PTPRU: variants seen among roughly 807,000 people sequenced by gnomAD.
PTPRU encodes the protein protein tyrosine phosphatase receptor type U, also known as receptor-type tyrosine-protein phosphatase U.
A neutral mutation model predicts 166.3 loss-of-function variants in PTPRU; 69 were observed. The ratio of observed to expected loss-of-function variants is 0.41; its 90% CI spans 0.34 to 0.51. PTPRU has a LOEUF of 0.51. PTPRU is among the 20% of genes least tolerant of loss of function. PTPRU has a pLI of 0.09. For synonymous variants in PTPRU, 793 were observed against 814.0 expected, an observed-to-expected ratio of 0.97 and a Z score of 0.44; for missense variants, 1,657 against 2,013.7, an observed-to-expected ratio of 0.82 and a Z score of 3.39.
chr1:29,262,332 CA>C (rs1685104855), intron 7 of PTPRU, among the ~76,000 whole-genome samples: 2 of 152,178 alleles, frequency 1.3e-5, no homozygotes, highest in Admixed American at 6.5e-5. Flanking sequence ...ACATCTCATA[CA>C]ATTCAATCCT....
chr1:29,323,169 C>T (rs1001086463), intron 26 of PTPRU: 10 of 620,874 alleles, frequency 1.6e-5, no homozygotes, highest in Middle Eastern at 4.4e-4. Flanking sequence ...CAGTGCAGAA[C>T]GCATTGGGGC....
chr1:29,251,104 C>T (rs536406446), intron 1 of PTPRU, among the ~76,000 whole-genome samples: 1 of 152,146 alleles, frequency 6.6e-6, no homozygotes, highest in Non-Finnish European at 1.5e-5. Context: ...AATACAAAAA[C>T]AAGCTGGGTA....
Position 29,236,733 on chromosome 1 carries a change from C to A in PTPRU, c.73+16C>A. ...ACTCCGGCAGGTAAGCGCGCGGCGG[C>A]CGGACCGAGCCTGCCCCGCCGAGCC... On this transcript the variant is annotated intron_variant, in intron 1 of 29. Transcript: ENST00000373779. The surrounding 1 kb of genome is among the most constrained non-coding windows in gnomAD (Gnocchi z 4.6). 1 of 1,413,462 alleles carries A rather than the reference C, an allele frequency of 7.1e-7. No homozygotes were observed. Among genetic ancestry groups the A allele is most frequent in the Non-Finnish European group, 9.2e-7 (1 of 1,087,004 alleles). 87.6% of individuals were successfully genotyped at this position (1,413,462 alleles called of 1,614,324 possible). A position where few individuals can be genotyped will look rare whatever the true frequency, so the allele number is the denominator to read the frequency against.
intron 1 of PTPRU, among the ~76,000 whole-genome samples, chr1:29,248,164 G>T (rs549782959): frequency 1.3e-5 from 2 of 152,254 alleles, no homozygotes; most frequent in African/African-American, 4.8e-5. Context: ...GGGATCATGG[G>T]GTCAATAAGT....
rs1042811529 is a variant in PTPRU at position 29,326,640 on chromosome 1, G to C, written c.*979G>C. The C allele has an allele frequency of 4.6e-5, 7 of 152,210 alleles. No homozygotes were observed. Among genetic ancestry groups the C allele is most frequent in the African/African-American group, 1.7e-4 (7 of 41,400 alleles). 9.4% of individuals were successfully genotyped at this position (152,210 alleles called of 1,614,324 possible). A position where few individuals can be genotyped will look rare whatever the true frequency, so the allele number is the denominator to read the frequency against. ...TATTTTTGGTTGGGTGGGTGGGAAGGTCTCTTTAAAATGGGGCAGGCCACA... is the reference window on the plus strand; with the variant it reads ...TATTTTTGGTTGGGTGGGTGGGAAGCTCTCTTTAAAATGGGGCAGGCCACA... On this transcript the variant is annotated 3_prime_UTR_variant, in exon 30 of 30. Transcript: ENST00000373779.
intron 1 of PTPRU, among the ~76,000 whole-genome samples, chr1:29,239,286 T>C (rs1372989060): frequency 6.6e-6 from 1 of 152,240 alleles, no homozygotes; most frequent in Admixed American, 6.5e-5. Flanking sequence ...CGGTGTGTGA[T>C]GCCTTCTCAG....
rs1192698409 is a variant in PTPRU at position 29,280,390 on chromosome 1, G to A, written c.1868+249G>A. On this transcript the variant is annotated intron_variant, in intron 11 of 29. Transcript: ENST00000373779. The surrounding 1 kb of genome is among the most constrained non-coding windows in gnomAD (Gnocchi z 4.2). ...ACCCTGGATAGGTCCAGCCTGGAGA[G>A]GGGACTGTCCAGGCCTGTCCAGGGG... 2.0e-5 allele frequency among the ~76,000 whole-genome samples: 3 copies of A among 152,222 alleles called. No homozygotes were observed. Among genetic ancestry groups the A allele is most frequent in the Non-Finnish European group, 4.4e-5 (3 of 68,024 alleles).
chr1:29,253,787 A>C (rs983460469), intron 1 of PTPRU, among the ~76,000 whole-genome samples: 6 of 151,946 alleles, frequency 3.9e-5, no homozygotes, highest in African/African-American at 1.5e-4. Flanking sequence ...CATCTGACCC[A>C]CATGGATTCA....
rs1304229094 is a variant in PTPRU, at chr1:29,315,362, C to G, written c.3228-10C>G. The stretch of plus-strand genomic sequence containing the variant: ...AGCTCTGACCTGGTCTGGGGCTGCT[C>G]TCTCTCCAGCGCGGGCACCGGCCGC... On this transcript the variant is annotated splice_polypyrimidine_tract_variant and intron_variant, in intron 22 of 29. Coordinates refer to ENST00000373779, the MANE Select transcript of PTPRU (RefSeq NM_133178.4). The surrounding 1 kb of genome is among the most constrained non-coding windows in gnomAD (Gnocchi z 4.5). 6.2e-7 allele frequency: 1 copy of G among 1,613,950 alleles called. No homozygotes were observed. The highest frequency in any genetic ancestry group is 8.5e-7 in the Non-Finnish European group (1 of 1,180,052).
At chr1:29,296,493 T>G (rs1686884564) in intron 15 of PTPRU, among the ~76,000 whole-genome samples, 1 of 151,798 alleles carries the variant, frequency 6.6e-6, no homozygotes, top group African/African-American at 2.4e-5. Flanking sequence ...TTATGATGTT[T>G]CCTTTCCTTT....
rs970064819 is a variant in PTPRU at position 29,278,998 on chromosome 1, C to T, written c.1454-14C>T. On this transcript the variant is annotated splice_polypyrimidine_tract_variant and intron_variant, in intron 8 of 29. Transcript: ENST00000373779. ...GCCCACTTTCCCCTGGCCCCTGCTG[C>T]CTTTCCCTTGCAGTGCCCAGTGGGA... The T allele has an allele frequency of 8.9e-6, 14 of 1,565,996 alleles. No homozygotes were observed. Among genetic ancestry groups the T allele is most frequent in the Non-Finnish European group, 1.2e-5 (14 of 1,153,204 alleles).
chr1:29,317,905 A>G lies in PTPRU; in HGVS notation c.3671A>G (p.Asn1224Ser). Residue 1224 changes from asparagine to serine, a missense_variant, in exon 25 of 30, where the codon AAT (asparagine) becomes AGT (serine). Asn to Ser is a conservative substitution (Grantham distance 46). Around this residue, in one of 3 missense-constraint regions of PTPRU, gnomAD observed 1,190 missense variants for 1,477.4 expected, o/e 0.81. Transcript: ENST00000373779. This position sits in a 1 kb window ranked among gnomAD's most constrained non-coding sequence, Gnocchi z 5.6. Reference protein sequence around the residue: ...STDGDSNNYINAALTDSYTRS... With the variant: ...STDGDSNNYISAALTDSYTRS... ...GATGGGGACTCCAACAACTACATTA[A>G]TGCAGCCCTGACTGACGTGAGAGCT... is the stretch of plus-strand genomic sequence containing the variant. 1 of 1,613,894 alleles carries G rather than the reference A, an allele frequency of 6.2e-7. No homozygotes were observed.
At chr1:29,281,444 G>A (rs1686079157) in intron 11 of PTPRU, among the ~76,000 whole-genome samples, 1 of 152,154 alleles carries the variant, frequency 6.6e-6, no homozygotes, top group Non-Finnish European at 1.5e-5. Flanking sequence ...GGTCCCTCAG[G>A]ATGATGATTG....
At chr1:29,309,332 T>C (rs1687544446) in intron 18 of PTPRU, among the ~76,000 whole-genome samples, 1 of 152,112 alleles carries the variant, frequency 6.6e-6, no homozygotes, top group Non-Finnish European at 1.5e-5. Flanking sequence ...GGGAGATTTA[T>C]GTCTCAAGAA....
chr1:29,256,881 A>T lies in PTPRU; in HGVS notation c.205+1475A>T, dbSNP rs192019841. 5.3e-5 allele frequency among the ~76,000 whole-genome samples: 8 copies of T among 152,228 alleles called. No homozygotes were observed. The East Asian group carries it at 1.4e-3, about 26-fold the overall frequency. On this transcript the variant is annotated intron_variant, in intron 2 of 29. Coordinates refer to ENST00000373779, the MANE Select transcript of PTPRU (RefSeq NM_133178.4). ...GTCACGTGCAAGCAGAGACATACCC[A>T]GTGAGAAAGGGGAGAGGGGAATTTA...
chr1:29,305,767 A>T (rs1687362636), intron 18 of PTPRU, among the ~76,000 whole-genome samples: 1 of 152,208 alleles, frequency 6.6e-6, no homozygotes. Flanking sequence ...AGAGGTAGGC[A>T]GGGGCTGGAT....
intron 15 of PTPRU, among the ~76,000 whole-genome samples, chr1:29,303,325 G>A (rs1032405392): frequency 1.5e-4 from 23 of 152,232 alleles, no homozygotes; most frequent in Non-Finnish European, 1.8e-4. Flanking sequence ...ACTGGCTGCG[G>A]CCCCGCACAG....
At chr1:29,249,603 C>T (rs1010657572) in intron 1 of PTPRU, among the ~76,000 whole-genome samples, 6 of 152,202 alleles carry the variant, frequency 3.9e-5, no homozygotes, top group African/African-American at 1.2e-4. Flanking sequence ...GAGCGCGGGG[C>T]TCAGGGCATA....
chr1:29,262,979 A>ATTATTTAT (rs200241374), intron 7 of PTPRU, among the ~76,000 whole-genome samples: 2 of 151,776 alleles, frequency 1.3e-5, no homozygotes, highest in African/African-American at 4.8e-5. Context: ...CATTTATTTT[A>ATTATTTAT]TTATTTATTT....
Sources: allele counts gnomAD v4.1 joint callset (sites outside exome capture counted in the v4.1 genomes callset), GRCh38; gene constraint gnomAD v4.1.1; regional missense constraint gnomAD v4.1.1; non-coding constraint Gnocchi (gnomAD v3.1); transcripts MANE v1.5; gene names NCBI Gene and HGNC (gene_info 2026-07-23, HGNC 2026-07-21).